ANXA3: variants seen among roughly 807,000 people sequenced by gnomAD.
The protein encoded by ANXA3 is 35-alpha calcimedin.
Under a neutral mutation model 48.8 loss-of-function variants are expected in ANXA3, and 46 were observed. That is an observed-to-expected ratio of 0.94 (90% CI 0.74 to 1.21). ANXA3 has a LOEUF of 1.21. Among genes scored for constraint, ANXA3 ranks in the 50% most tolerant of loss-of-function variants. The pLI is 0.00. For missense variants in ANXA3, 383 were observed against 378.6 expected (o/e 1.01, Z -0.10); for synonymous variants, 128 against 134.7 (o/e 0.95, Z 0.35).
chr4:78,598,282 T>G (rs1723463640), intron 10 of ANXA3, among the ~76,000 whole-genome samples: 1 of 147,956 alleles, frequency 6.8e-6, no homozygotes, highest in South Asian at 2.1e-4. Context: ...GGCTTTTCTT[T>G]TCTTTCTTTC....
At chr4:78,601,734 CACAG>C (rs1381075237) in intron 11 of ANXA3, 166 bp downstream of exon 11, 2 of 527,190 alleles carry the variant, frequency 3.8e-6, no homozygotes, top group African/African-American at 3.8e-5. Context: ...ACACTCTTTA[CACAG>C]ACACCTGATT....
intron 11 of ANXA3, 168 bp from the exon 12 acceptor site, chr4:78,604,109 C>T: frequency 1.7e-6 from 1 of 596,092 alleles, no homozygotes; most frequent in Non-Finnish European, 2.6e-6. Flanking sequence ...AGAGTAGGTG[C>T]TCAACAAATA....
chr4:78,562,437 A>G (rs953010298), intron 2 of ANXA3, among the ~76,000 whole-genome samples: 6 of 152,230 alleles, frequency 3.9e-5, no homozygotes, highest in Non-Finnish European at 7.3e-5. Context: ...TGACAGTCCC[A>G]TGTGAACAGG....
chr4:78,576,867 A>G (rs1244268184), intron 3 of ANXA3, among the ~76,000 whole-genome samples: 53 of 152,214 alleles, frequency 3.5e-4, no homozygotes, highest in Non-Finnish European at 3.4e-4. Context: ...GATCTTGGGC[A>G]TGTTTAAAAA....
Position 78,557,695 on chromosome 4 carries a change from T to C in ANXA3, c.15+3207T>C, listed in dbSNP as rs369893501. 3.1e-3 allele frequency among the ~76,000 whole-genome samples: 460 copies of C among 148,580 alleles called. 3 individuals carry two copies. Among genetic ancestry groups the C allele is most frequent in the South Asian group, 3.8e-3 (18 of 4,704 alleles). ...CTACTGTCTCTGGGTTTTTCTTTTT[T>C]TTTTTTTTTTTTTCCTGTTTACCTC... On this transcript the variant is annotated intron_variant, in intron 2 of 12. Transcript: ENST00000264908.
intron 2 of ANXA3, among the ~76,000 whole-genome samples, chr4:78,563,558 G>A (rs906711739): frequency 6.6e-6 from 1 of 152,156 alleles, no homozygotes; most frequent in Non-Finnish European, 1.5e-5. Flanking sequence ...ACAGCCAGAA[G>A]GTGCCGTATA....
At chr4:78,606,039 A>G (rs1723639640) in intron 12 of ANXA3, among the ~76,000 whole-genome samples, 1 of 152,236 alleles carries the variant, frequency 6.6e-6, no homozygotes, top group Non-Finnish European at 1.5e-5. Context: ...GGTTCCCTGG[A>G]ACAAAGTGGA....
At chr4:78,567,986 T>G (rs144588115) in intron 2 of ANXA3, among the ~76,000 whole-genome samples, 52 of 152,338 alleles carry the variant, frequency 3.4e-4, no homozygotes, top group Non-Finnish European at 6.8e-4. Flanking sequence ...TCACATCACA[T>G]TCTTTCTGTA....
At chr4:78,607,982 T>C (rs559739133) in intron 12 of ANXA3, among the ~76,000 whole-genome samples, 3 of 152,306 alleles carry the variant, frequency 2.0e-5, no homozygotes, top group African/African-American at 7.2e-5. Flanking sequence ...AGGGTCTACC[T>C]TGGGGAATAT....
chr4:78,565,900 A>G (rs1231730892), intron 2 of ANXA3, among the ~76,000 whole-genome samples: 1 of 152,222 alleles, frequency 6.6e-6, no homozygotes, highest in Non-Finnish European at 1.5e-5. Context: ...GAGACATTGA[A>G]TATACAAGAC....
At chr4:78,608,552 A>C (rs770268917) in intron 12 of ANXA3, among the ~76,000 whole-genome samples, 1 of 152,206 alleles carries the variant, frequency 6.6e-6, no homozygotes, top group Non-Finnish European at 1.5e-5. Context: ...AGATCTTCTT[A>C]TTCTGGAGAA....
chr4:78,589,627 G>A (rs1723249697), intron 6 of ANXA3, among the ~76,000 whole-genome samples: 1 of 152,096 alleles, frequency 6.6e-6, no homozygotes, highest in Non-Finnish European at 1.5e-5. Context: ...ATAAATATTT[G>A]TGCATAGCTT....
At chr4:78,600,244 A>C (rs961414091) in intron 10 of ANXA3, among the ~76,000 whole-genome samples, 2 of 151,918 alleles carry the variant, frequency 1.3e-5, no homozygotes, top group African/African-American at 4.8e-5. Context: ...ACTCTAACGG[A>C]CTCCCAAGCT....
At chr4:78,586,441 C>A in intron 6 of ANXA3, 91 bp downstream of exon 6, 1 of 890,700 alleles carries the variant, frequency 1.1e-6, no homozygotes, top group Non-Finnish European at 1.8e-6. Context: ...CTTCATGAGG[C>A]ATTTTGAGAA....
At position 78,591,628 on chromosome 4, in the gene ANXA3, G is replaced by A. The variant is rs1225558086; in HGVS notation, c.483+5G>A. 1.9e-6 allele frequency: 3 copies of A among 1,610,504 alleles called. No homozygotes were observed. The highest frequency in any genetic ancestry group is 2.5e-6 in the Non-Finnish European group (3 of 1,177,466). ...GCTCTGTTGACTTTGGCAGATGTAA[G>A]GTTTTATTTTTTATTTTTTAACTCC... On this transcript the variant is annotated splice_donor_5th_base_variant and intron_variant, in intron 7 of 12. Coordinates refer to ENST00000264908, the MANE Select transcript of ANXA3 (RefSeq NM_005139.3).
chr4:78,604,656 T>C (rs76989724), intron 12 of ANXA3, among the ~76,000 whole-genome samples: 3,095 of 152,354 alleles, frequency 0.02, 107 homozygotes, highest in African/African-American at 0.07. Context: ...GTGAATTACA[T>C]ATGCAAGTTG....
At chr4:78,557,523 G>C (rs189754981) in intron 2 of ANXA3, among the ~76,000 whole-genome samples, 14 of 152,220 alleles carry the variant, frequency 9.2e-5, no homozygotes, top group Admixed American at 8.5e-4. Flanking sequence ...CTACCACAGG[G>C]GCTAGGAGTA....
At chr4:78,595,096 G>C (rs943002770) in intron 7 of ANXA3, among the ~76,000 whole-genome samples, 6 of 152,276 alleles carry the variant, frequency 3.9e-5, no homozygotes, top group African/African-American at 9.6e-5. Flanking sequence ...ATGACTGCAG[G>C]ACTACACTCT....
At chr4:78,584,209 C>T (rs1318060216) in intron 5 of ANXA3, among the ~76,000 whole-genome samples, 3 of 152,178 alleles carry the variant, frequency 2.0e-5, no homozygotes, top group South Asian at 2.1e-4. Flanking sequence ...GACAAGGTCT[C>T]GCTTCATTGC....
Sources: allele counts gnomAD v4.1 joint callset (sites outside exome capture counted in the v4.1 genomes callset), GRCh38; gene constraint gnomAD v4.1.1; transcripts MANE v1.5; gene names NCBI Gene and HGNC (gene_info 2026-07-23, HGNC 2026-07-21).